The following MFNG variants were observed in gnomAD, a reference collection of about 807,000 sequenced individuals.
MFNG encodes beta-1,3-N-acetylglucosaminyltransferase manic fringe.
Under a neutral mutation model 34.2 loss-of-function variants are expected in MFNG, and 24 were observed. That is an observed-to-expected ratio of 0.70 (90% CI 0.51 to 0.99). The LOEUF is 0.99. Ranked by LOEUF, MFNG falls within the 50% of genes least tolerant of loss-of-function variation. The pLI is 0.00. For missense variants in MFNG, 383 were observed against 424.0 expected, an observed-to-expected ratio of 0.90 and a Z score of 0.85; for synonymous variants, 158 against 179.2, an observed-to-expected ratio of 0.88 and a Z score of 0.94.
At position 37,485,034 on chromosome 22, in the gene MFNG, C is replaced by T. The variant is rs971896668; in HGVS notation, c.255+889G>A. Among the ~76,000 whole-genome samples, 2 of 152,146 alleles carry T rather than the reference C, an allele frequency of 1.3e-5. No homozygotes were observed. Among genetic ancestry groups the T allele is most frequent in the Admixed American group, 6.5e-5 (1 of 15,286 alleles). On this transcript the variant is annotated intron_variant, in intron 1 of 7. Transcript: ENST00000356998. The surrounding 1 kb of genome is among the most constrained non-coding windows in gnomAD (Gnocchi z 5.3). ...CACCTCCCCCATCAACGGTCCCTAACACCGACATCACTAACTTTGCTTAAG... is the reference window on the plus strand; with the variant it reads ...CACCTCCCCCATCAACGGTCCCTAATACCGACATCACTAACTTTGCTTAAG...
chr22:37,470,277 T>C (rs1300261499), intron 7 of MFNG, among the ~76,000 whole-genome samples: 1 of 152,152 alleles, frequency 6.6e-6, no homozygotes, highest in African/African-American at 2.4e-5. Context: ...GAATCAAAAA[T>C]GTCTCCGACA....
intron 1 of MFNG, among the ~76,000 whole-genome samples, chr22:37,481,686 G>A (rs1052056269): frequency 3.9e-5 from 6 of 152,228 alleles, no homozygotes; most frequent in Non-Finnish European, 8.8e-5. Flanking sequence ...AGCATCAGGG[G>A]CCTTTGAGGG....
intron 5 of MFNG, among the ~76,000 whole-genome samples, chr22:37,476,682 C>T (rs1260616894): frequency 2.0e-5 from 3 of 152,206 alleles, no homozygotes; most frequent in African/African-American, 7.2e-5. Context: ...CATGACTTGC[C>T]TGTGAGTGGC....
At chr22:37,471,830 C>CAA (rs913243094) in intron 7 of MFNG, among the ~76,000 whole-genome samples, 1,530 of 35,006 alleles carry the variant, frequency 0.044, 122 homozygotes, top group African/African-American at 0.083. Flanking sequence ...GGCTCCATCT[C>CAA]AAAAAAAAAA....
At position 37,474,688 on chromosome 22, in the gene MFNG, G is replaced by T; in HGVS notation, c.648-11C>A. 1 of 1,582,984 alleles carries T rather than the reference G, an allele frequency of 6.3e-7. No homozygotes were observed. Among genetic ancestry groups the T allele is most frequent in the South Asian group, 1.2e-5 (1 of 86,532 alleles). On this transcript the variant is annotated splice_polypyrimidine_tract_variant and intron_variant, in intron 5 of 7. Coordinates refer to ENST00000356998, the MANE Select transcript of MFNG (RefSeq NM_002405.4). The stretch of plus-strand genomic sequence containing the variant: ...ATGAAACGGGAGCCACTGAGGGACA[G>T]AGCCAGACTGCAGACGCTGGCCCAG...
Position 37,479,492 on chromosome 22 carries a change from GA to G in MFNG, c.413del (p.Phe138SerfsTer10), listed in dbSNP as rs768115186. The G allele has an allele frequency of 6.2e-7, 1 of 1,610,576 alleles. No homozygotes were observed. Among genetic ancestry groups the G allele is most frequent in the South Asian group, 1.1e-5 (1 of 90,484 alleles). On this transcript the variant is annotated frameshift_variant, in exon 4 of 8. Coordinates refer to ENST00000356998, the MANE Select transcript of MFNG (RefSeq NM_002405.4). LOFTEE classifies it high-confidence loss of function. ...DTFLASGLRW[F>X]CHVDDDNYVN... Reference sequence around the variant, plus strand: ...CATAGTTGTCATCGTCCACATGGCAGAACCACCTGTAGGGATGAAACGGGGA... The same window carrying G: ...CATAGTTGTCATCGTCCACATGGCAGACCACCTGTAGGGATGAAACGGGGA...
At chr22:37,479,317 G>A (rs1251029318) in intron 4 of MFNG, 28 bp downstream of exon 4, 2 of 1,530,708 alleles carry the variant, frequency 1.3e-6, no homozygotes, top group East Asian at 2.5e-5. Flanking sequence ...AGCGGGCCAA[G>A]GGGCAAAGGA....
At position 37,483,454 on chromosome 22, in the gene MFNG, G is replaced by A. The variant is rs938824908; in HGVS notation, c.255+2469C>T. ...CCACCCGATAGTGAAACACTCTCAAGCTTGGAGCATGGGCCAAATGGGCTG... is the reference window on the plus strand; with the variant it reads ...CCACCCGATAGTGAAACACTCTCAAACTTGGAGCATGGGCCAAATGGGCTG... On this transcript the variant is annotated intron_variant, in intron 1 of 7. Coordinates refer to ENST00000356998, the MANE Select transcript of MFNG (RefSeq NM_002405.4). The surrounding 1 kb of genome is among the most constrained non-coding windows in gnomAD (Gnocchi z 4.5). 2.6e-5 allele frequency among the ~76,000 whole-genome samples: 4 copies of A among 151,280 alleles called. No individual in the cohort carries two copies. Among genetic ancestry groups the A allele is most frequent in the African/African-American group, 7.3e-5 (3 of 41,102 alleles).
intron 6 of MFNG, among the ~76,000 whole-genome samples, chr22:37,474,071 T>G (rs1051338966): frequency 6.6e-6 from 1 of 152,046 alleles, no homozygotes; most frequent in Non-Finnish European, 1.5e-5. Flanking sequence ...GGAACAGCAC[T>G]GAGCAATGGA....
chr22:37,472,180 G>T (rs1921836052), intron 7 of MFNG, among the ~76,000 whole-genome samples: 3 of 152,032 alleles, frequency 2.0e-5, no homozygotes, highest in South Asian at 4.1e-4. Context: ...ATTGGGGCTG[G>T]GAGAGCTCTT....
chr22:37,486,095 A>G lies in MFNG; in HGVS notation c.83T>C (p.Leu28Ser), dbSNP rs1015152710. 6.2e-7 allele frequency: 1 copy of G among 1,613,110 alleles called. No homozygotes were observed. Among genetic ancestry groups the G allele is most frequent in the Non-Finnish European group, 8.5e-7 (1 of 1,179,470 alleles). ...CMGLLCLRYHLNLSPQRVQGT... is the reference protein window; with the variant it reads ...CMGLLCLRYHSNLSPQRVQGT... ...TTGTACCCGCTGCGGGGACAGGTTC[A>G]AGTGGTACCGCAGACACAGGAGCCC... The change falls in exon 1 of 8, where the codon TTG becomes TCG. Residue 28 changes from leucine (L) to serine (S), a missense_variant. Transcript: ENST00000356998.
intron 6 of MFNG, 165 bp from the exon 7 acceptor site, chr22:37,472,693 T>C: frequency 1.7e-6 from 1 of 578,300 alleles, no homozygotes; most frequent in Non-Finnish European, 2.9e-6. Context: ...CCCAAGGCAC[T>C]TCACAGCTGG....
In MFNG at chr22:37,485,891, ACC is replaced by A. The variant is rs1455536750; in HGVS notation, c.255+30_255+31del. 5 of 1,593,984 alleles carry A rather than the reference ACC, an allele frequency of 3.1e-6. No homozygotes were observed. The highest frequency in any genetic ancestry group is 3.4e-6 in the Non-Finnish European group (4 of 1,167,454). ...CTGAGAACCCCTTAGGCCAGGGGCC[ACC>A]CCCAGGGCCCAATGTCACCCACTTG... On this transcript the variant is annotated intron_variant, in intron 1 of 7. Transcript: ENST00000356998. The surrounding 1 kb of genome is among the most constrained non-coding windows in gnomAD (Gnocchi z 5.3).
In MFNG at chr22:37,474,535, T is replaced by TC; in HGVS notation, c.789dup (p.Arg264GlufsTer17). The TC allele has an allele frequency of 6.2e-7, 1 of 1,614,042 alleles. No individual in the cohort carries two copies. ...ACCTGTTCTGGGAGCTGTGCAGTCC[T>TC]CAGCAGCTGCAGGGTCTCCAGGTGG... On this transcript the variant is annotated frameshift_variant, in exon 6 of 8. Coordinates refer to ENST00000356998, the MANE Select transcript of MFNG (RefSeq NM_002405.4). LOFTEE classifies it high-confidence loss of function.
chr22:37,478,022 G>C (rs925201693), intron 4 of MFNG, among the ~76,000 whole-genome samples: 2 of 152,218 alleles, frequency 1.3e-5, no homozygotes, highest in Non-Finnish European at 2.9e-5. Flanking sequence ...AAACTGCTTA[G>C]GCAGAGGTGA....
chr22:37,484,422 G>A (rs1402470260), intron 1 of MFNG: 5 of 152,360 alleles, frequency 3.3e-5, no homozygotes, highest in Non-Finnish European at 5.9e-5. Flanking sequence ...AGCGACTCCT[G>A]TAGCCCAGTG....
At chr22:37,470,443 C>T (rs1261916647) in intron 7 of MFNG, among the ~76,000 whole-genome samples, 1 of 152,178 alleles carries the variant, frequency 6.6e-6, no homozygotes, top group East Asian at 1.9e-4. Flanking sequence ...ACCCATTTGG[C>T]AGTAATCTAT....
intron 6 of MFNG, 81 bp downstream of exon 6, chr22:37,474,431 C>T (rs914469798): frequency 4.6e-5 from 70 of 1,512,592 alleles, no homozygotes; most frequent in East Asian, 2.7e-4. Context: ...TTCTTTCAAA[C>T]GCCAGGAGGG....
At chr22:37,480,793 G>T in intron 1 of MFNG, 24 bp from the exon 2 acceptor site, 2 of 1,611,246 alleles carry the variant, frequency 1.2e-6, no homozygotes. Context: ...GAAGGGGTCA[G>T]GACTCACATC....
Sources: allele counts gnomAD v4.1 joint callset (sites outside exome capture counted in the v4.1 genomes callset), GRCh38; gene constraint gnomAD v4.1.1; non-coding constraint Gnocchi (gnomAD v3.1); transcripts MANE v1.5; gene names NCBI Gene and HGNC (gene_info 2026-07-23, HGNC 2026-07-21).